Variants in SLC16A12 observed in about 807,000 individuals in gnomAD.
SLC16A12 encodes the protein monocarboxylate transporter 12.
SLC16A12 carries 17 observed loss-of-function variants against 42.4 expected under a neutral mutation model. That is an observed-to-expected ratio of 0.40 (90% CI 0.27 to 0.60). The LOEUF (loss-of-function observed/expected upper bound fraction) is 0.60, where lower values mean the gene tolerates loss of function less well. Ranked by LOEUF, SLC16A12 falls within the 20% of genes least tolerant of loss-of-function variation. The pLI is 0.42. For synonymous variants in SLC16A12, 224 were observed against 229.4 expected (o/e 0.98, Z 0.21); for missense variants, 544 against 623.0 (o/e 0.87, Z 1.35).
At chr10:89,465,380 T>C (rs573509182) in intron 2 of SLC16A12, among the ~76,000 whole-genome samples, 87 of 152,342 alleles carry the variant, frequency 5.7e-4, no homozygotes, top group Non-Finnish European at 1.1e-3. Context: ...AATTGCAGCC[T>C]GACGTAGCTA....
chr10:89,505,974 C>T (rs186855697), intron 2 of SLC16A12, among the ~76,000 whole-genome samples: 27 of 152,288 alleles, frequency 1.8e-4, no homozygotes, highest in Non-Finnish European at 1.5e-4. Flanking sequence ...CTTGGAAGTT[C>T]GAACTGGGTG....
intron 2 of SLC16A12, among the ~76,000 whole-genome samples, chr10:89,486,600 A>G (rs1317547491): frequency 1.5e-4 from 20 of 129,364 alleles, no homozygotes; most frequent in Admixed American, 1.2e-3. Context: ...TCAAAAAAAA[A>G]AAAAAAGAAA....
At chr10:89,437,093 T>C (rs1280184614) in intron 6 of SLC16A12, among the ~76,000 whole-genome samples, 1 of 152,220 alleles carries the variant, frequency 6.6e-6, no homozygotes, top group Non-Finnish European at 1.5e-5. Flanking sequence ...CTTTTAGGTA[T>C]GTTATCCATT....
intron 3 of SLC16A12, among the ~76,000 whole-genome samples, chr10:89,456,682 C>T (rs939845778): frequency 2.6e-5 from 4 of 152,066 alleles, no homozygotes; most frequent in Non-Finnish European, 5.9e-5. Context: ...AGCTATTTTT[C>T]CTGATGCTCT....
chr10:89,528,677 A>T (rs188617626), intron 2 of SLC16A12, among the ~76,000 whole-genome samples: 1 of 152,136 alleles, frequency 6.6e-6, no homozygotes, highest in Admixed American at 6.5e-5. Flanking sequence ...TTTCAATAAA[A>T]TTTTTTTCTA....
chr10:89,458,311 G>C (rs1842233144), intron 3 of SLC16A12, among the ~76,000 whole-genome samples: 1 of 152,080 alleles, frequency 6.6e-6, no homozygotes, highest in Non-Finnish European at 1.5e-5. Context: ...CACAAAATTG[G>C]GCATCTATGA....
chr10:89,464,303 C>G (rs1343249064), intron 2 of SLC16A12, among the ~76,000 whole-genome samples: 1 of 152,146 alleles, frequency 6.6e-6, no homozygotes, highest in Non-Finnish European at 1.5e-5. Flanking sequence ...TTTGTGATAC[C>G]CTTAGCCAAG....
Position 89,438,597 on chromosome 10 carries a change from A to G in SLC16A12, c.1028+7T>C. On this transcript the variant is annotated splice_region_variant and intron_variant, in intron 6 of 7. Coordinates refer to ENST00000371790, the MANE Select transcript of SLC16A12 (RefSeq NM_213606.4). ...TGGGGAACCAATTGTGGTTTCATGAATTTTACCTTCTGTCGGTCAGCCATC... is the reference window on the plus strand; with the variant it reads ...TGGGGAACCAATTGTGGTTTCATGAGTTTTACCTTCTGTCGGTCAGCCATC... 1 of 1,613,314 alleles carries G rather than the reference A, an allele frequency of 6.2e-7. No individual in the cohort carries two copies. The highest frequency in any genetic ancestry group is 1.3e-5 in the African/African-American group (1 of 75,020).
rs564059333 is a variant in SLC16A12, at chr10:89,482,819, A to G, written c.-46-20195T>C. Among the ~76,000 whole-genome samples the G allele has an allele frequency of 2.6e-5, 4 of 152,204 alleles. No homozygotes were observed. In the East Asian group the frequency reaches 7.7e-4, roughly 29 times the overall value. ...AAAATGTCTAATAGAATAGACCAAG[A>G]AAAAAGAAGAAAAAACCCACAAAAT... On this transcript the variant is annotated intron_variant, in intron 2 of 7. Transcript: ENST00000371790.
chr10:89,433,443 C>CTTTGAAACAAAGT, intron 7 of SLC16A12, 117 bp from the exon 8 acceptor site: 1 of 1,087,200 alleles, frequency 9.2e-7, no homozygotes, highest in Non-Finnish European at 1.3e-6. Flanking sequence ...CCAATTGTAA[C>CTTTGAAACAAAGT]TTTGAAACAA....
intron 2 of SLC16A12, among the ~76,000 whole-genome samples, chr10:89,533,723 A>G (rs949760944): frequency 6.6e-6 from 1 of 152,074 alleles, no homozygotes; most frequent in African/African-American, 2.4e-5. Flanking sequence ...TCCATAATAT[A>G]AAAATAATTT....
chr10:89,539,779 C>T (rs1372271122), upstream of SLC16A12, among the ~76,000 whole-genome samples: 3 of 152,060 alleles, frequency 2.0e-5, no homozygotes, highest in African/African-American at 4.8e-5. Flanking sequence ...AAGTATTTTA[C>T]GTAGTCAGCT....
intron 2 of SLC16A12, among the ~76,000 whole-genome samples, chr10:89,469,442 C>T (rs1842459234): frequency 6.6e-6 from 1 of 152,100 alleles, no homozygotes; most frequent in Admixed American, 6.5e-5. Flanking sequence ...TTTTATGTTG[C>T]CCACAGTAAA....
intron 2 of SLC16A12, among the ~76,000 whole-genome samples, chr10:89,550,642 T>C (rs1843765167): frequency 6.6e-6 from 1 of 152,088 alleles, no homozygotes; most frequent in Admixed American, 6.6e-5. Flanking sequence ...GCCCATAATG[T>C]GTCATGGCCC....
upstream of SLC16A12, among the ~76,000 whole-genome samples, chr10:89,539,686 T>C (rs1843699506): frequency 6.6e-6 from 1 of 152,212 alleles, no homozygotes; most frequent in Admixed American, 6.5e-5. Flanking sequence ...ACCTTAAGGC[T>C]TTTGCCTAAA....
chr10:89,550,622 T>C (rs1843765057), intron 2 of SLC16A12, among the ~76,000 whole-genome samples: 1 of 152,178 alleles, frequency 6.6e-6, no homozygotes, highest in African/African-American at 2.4e-5. Context: ...TCTAAACTCC[T>C]CTGACCATGG....
intron 2 of SLC16A12, among the ~76,000 whole-genome samples, chr10:89,468,368 G>C (rs1158231183): frequency 6.6e-6 from 1 of 152,182 alleles, no homozygotes; most frequent in African/African-American, 2.4e-5. Flanking sequence ...TTTCTCAATG[G>C]TGAAACTGAA....
upstream of SLC16A12, among the ~76,000 whole-genome samples, chr10:89,537,545 A>C (rs1843687328): frequency 6.6e-6 from 1 of 152,220 alleles, no homozygotes; most frequent in Non-Finnish European, 1.5e-5. Flanking sequence ...GAACAAATAC[A>C]GCTTGTAAAA....
chr10:89,524,572 C>G (rs1589726379), intron 2 of SLC16A12, among the ~76,000 whole-genome samples: 1 of 152,348 alleles, frequency 6.6e-6, no homozygotes, highest in East Asian at 1.9e-4. Context: ...TGACCAACCT[C>G]AGCAACGTTA....
Sources: allele counts gnomAD v4.1 joint callset (sites outside exome capture counted in the v4.1 genomes callset), GRCh38; gene constraint gnomAD v4.1.1; transcripts MANE v1.5; gene names NCBI Gene and HGNC (gene_info 2026-07-23, HGNC 2026-07-21).